The following DLGAP2 variants were observed in gnomAD, a reference collection of about 807,000 sequenced individuals.
DLGAP2 encodes the protein DLG associated protein 2, also known as disks large-associated protein 2.
In DLGAP2, 26 loss-of-function variants were observed where a neutral mutation model predicts 100.3. The ratio of observed to expected loss-of-function variants is 0.26; its 90% CI spans 0.19 to 0.36. The LOEUF (loss-of-function observed/expected upper bound fraction) is 0.36, where lower values mean the gene tolerates loss of function less well. Ranked by LOEUF, DLGAP2 falls within the 10% of genes least tolerant of loss-of-function variation. The pLI is 1.00. For missense variants in DLGAP2, 1,858 were observed against 1,453.2 expected (o/e 1.28, Z -4.53); for synonymous variants, 886 against 630.1 (o/e 1.41, Z -6.08).
intron 2 of DLGAP2, among the ~76,000 whole-genome samples, chr8:1,188,297 C>G (rs1275995333): frequency 3.7e-5 from 5 of 135,732 alleles, no homozygotes; most frequent in Admixed American, 1.4e-4. Flanking sequence ...CTCACAGAAT[C>G]TCACACGCCC....
rs1213630680 is a variant in DLGAP2, at chr8:1,707,223, G to T, written c.*5817G>T. On this transcript the variant is annotated 3_prime_UTR_variant, in exon 15 of 15. Transcript: ENST00000637795. The stretch of plus-strand genomic sequence containing the variant: ...TCCAAGCTTTCACCTACTCAATGGA[G>T]GAGAGGTGATAATGAATGAAAAGAT... 1 of 152,578 alleles carries T rather than the reference G, an allele frequency of 6.6e-6. No individual in the cohort carries two copies. Among genetic ancestry groups the T allele is most frequent in the Non-Finnish European group, 1.5e-5 (1 of 68,032 alleles). The allele number at this position is 152,578 out of a possible 1,614,324, so 9.5% of individuals were successfully genotyped here.
At chr8:782,019 T>C (rs972122987) in intron 1 of DLGAP2, among the ~76,000 whole-genome samples, 1 of 152,100 alleles carries the variant, frequency 6.6e-6, no homozygotes, top group African/African-American at 2.4e-5. Flanking sequence ...ACCAGCAGGA[T>C]GACTACCATT....
At chr8:919,539 T>G (rs1798665475) in intron 2 of DLGAP2, among the ~76,000 whole-genome samples, 1 of 152,152 alleles carries the variant, frequency 6.6e-6, no homozygotes, top group African/African-American at 2.4e-5. Flanking sequence ...ATCCACCCAG[T>G]TAACATCAGG....
Position 843,907 on chromosome 8 carries a change from A to G in DLGAP2, c.19-64005A>G, listed in dbSNP as rs1322119052. On this transcript the variant is annotated intron_variant, in intron 1 of 14. Coordinates refer to ENST00000637795, the MANE Select transcript of DLGAP2 (RefSeq NM_001346810.2). Reference sequence around the variant, plus strand: ...ACATATGTTTAAGTCATTGAAGTTTATCTGGCTTGTTTTAGACACACTTTA... The same window carrying G: ...ACATATGTTTAAGTCATTGAAGTTTGTCTGGCTTGTTTTAGACACACTTTA... Among the ~76,000 whole-genome samples the G allele has an allele frequency of 3.9e-5, 6 of 152,346 alleles. No homozygotes were observed. In the East Asian group the frequency reaches 1.2e-3, roughly 29 times the overall value.
At chr8:1,205,256 T>A (rs899640995) in intron 2 of DLGAP2, among the ~76,000 whole-genome samples, 6 of 152,328 alleles carry the variant, frequency 3.9e-5, no homozygotes, top group African/African-American at 1.2e-4. Context: ...GTGATAGTTT[T>A]ATAGCTGATG....
intron 2 of DLGAP2, among the ~76,000 whole-genome samples, chr8:1,238,622 A>G (rs1798718774): frequency 9.6e-6 from 1 of 104,628 alleles, no homozygotes; most frequent in Non-Finnish European, 2.0e-5. Context: ...GTTCTCTCAC[A>G]TGGCGCCATG....
rs1296801206 is a variant in DLGAP2, at chr8:1,704,152, C to T, written c.*2746C>T. ...GCTAGCTTATTTCAGCCACTTCTAGCAGATCATGCCATGGAGCTCACGACG... is the reference window on the plus strand; with the variant it reads ...GCTAGCTTATTTCAGCCACTTCTAGTAGATCATGCCATGGAGCTCACGACG... On this transcript the variant is annotated 3_prime_UTR_variant, in exon 15 of 15. Coordinates refer to ENST00000637795, the MANE Select transcript of DLGAP2 (RefSeq NM_001346810.2). 2 of 152,616 alleles carry T rather than the reference C, an allele frequency of 1.3e-5. No homozygotes were observed. Among genetic ancestry groups the T allele is most frequent in the African/African-American group, 4.8e-5 (2 of 41,438 alleles). 9.5% of individuals were successfully genotyped at this position (152,616 alleles called of 1,614,324 possible).
chr8:1,277,155 A>G (rs569266613), intron 3 of DLGAP2, among the ~76,000 whole-genome samples: 1 of 152,202 alleles, frequency 6.6e-6, no homozygotes, highest in Non-Finnish European at 1.5e-5. Flanking sequence ...GAATCTAGAA[A>G]TCTCAGAAAT....
chr8:1,660,786 G>A lies in DLGAP2; in HGVS notation c.1811-7543G>A, dbSNP rs79063203. Among the ~76,000 whole-genome samples, 1,194 of 152,254 alleles carry A rather than the reference G, an allele frequency of 7.8e-3. 18 individuals carry two copies. The highest frequency in any genetic ancestry group is 0.028 in the African/African-American group (1,148 of 41,528). ...GATGGCGTTTCAGATCCTGTGGTTGGTAAACCCTCAGATGATCAATCAAAA... is the reference window on the plus strand; with the variant it reads ...GATGGCGTTTCAGATCCTGTGGTTGATAAACCCTCAGATGATCAATCAAAA... On this transcript the variant is annotated intron_variant, in intron 8 of 14. Coordinates refer to ENST00000637795, the MANE Select transcript of DLGAP2 (RefSeq NM_001346810.2).
rs2972174 is a variant in DLGAP2, at chr8:1,706,652, G to A, written c.*5246G>A. 57,312 of 152,036 alleles carry A rather than the reference G, an allele frequency of 0.38. 12,225 individuals carry two copies. Among genetic ancestry groups the A allele is most frequent in the East Asian group, 0.59 (3,040 of 5,152 alleles). 9.4% of individuals were successfully genotyped at this position (152,036 alleles called of 1,614,324 possible). A position where few individuals can be genotyped will look rare whatever the true frequency, so the allele number is the denominator to read the frequency against. On this transcript the variant is annotated 3_prime_UTR_variant, in exon 15 of 15. Transcript: ENST00000637795. ...CCAGCACCAACCAGAATTAGGCCACGTTTTCACCATTACTTAAGCTCAATC... is the reference window on the plus strand; with the variant it reads ...CCAGCACCAACCAGAATTAGGCCACATTTTCACCATTACTTAAGCTCAATC...
intron 3 of DLGAP2, chr8:1,302,389 G>T (rs1352274059): frequency 1.0e-5 from 1 of 100,218 alleles, no homozygotes; most frequent in Non-Finnish European, 2.1e-5. Flanking sequence ...CCATACCTGG[G>T]ACCGGACTCA....
chr8:1,682,888 C>A (rs1480907617), intron 12 of DLGAP2, among the ~76,000 whole-genome samples: 3 of 151,584 alleles, frequency 2.0e-5, no homozygotes, highest in Non-Finnish European at 4.4e-5. Context: ...TTATATTCCC[C>A]TAAACATATG....
intron 2 of DLGAP2, among the ~76,000 whole-genome samples, chr8:1,008,748 A>C (rs1801193031): frequency 1.3e-5 from 2 of 152,158 alleles, no homozygotes; most frequent in Non-Finnish European, 2.9e-5. Context: ...CCACCCCAGC[A>C]CTGAGGGTCC....
chr8:1,173,960 G>A (rs775184231), intron 2 of DLGAP2, among the ~76,000 whole-genome samples: 11 of 152,142 alleles, frequency 7.2e-5, no homozygotes, highest in East Asian at 3.9e-4. Flanking sequence ...AGAAATCACC[G>A]TCTTCTGTGT....
chr8:1,548,494 C>T, intron 4 of DLGAP2, 132 bp from the exon 5 acceptor site: 1 of 244,446 alleles, frequency 4.1e-6, no homozygotes, highest in Middle Eastern at 7.2e-4. Context: ...ACCCACAAAT[C>T]TGCCCTCTCG....
In DLGAP2 at chr8:1,013,472, C is replaced by T. The variant is rs577608373; in HGVS notation, c.73+105506C>T. 1.4e-4 allele frequency among the ~76,000 whole-genome samples: 21 copies of T among 152,200 alleles called. No homozygotes were observed. The South Asian group carries it at 4.4e-3, about 32-fold the overall frequency. On this transcript the variant is annotated intron_variant, in intron 2 of 14. Transcript: ENST00000637795. ...GAATCGGAATAGGAGGCAGATGAGC[C>T]AGCCTTTCCCAGGACGGGCAGCATC...
intron 3 of DLGAP2, among the ~76,000 whole-genome samples, chr8:1,437,863 G>T (rs1404199010): frequency 1.3e-5 from 2 of 149,528 alleles, no homozygotes; most frequent in Admixed American, 6.7e-5. Flanking sequence ...TCATGTGCCT[G>T]TAATCCCAGC....
intron 2 of DLGAP2, among the ~76,000 whole-genome samples, chr8:1,133,135 A>G (rs1463692596): frequency 6.6e-6 from 1 of 152,196 alleles, no homozygotes; most frequent in Non-Finnish European, 1.5e-5. Flanking sequence ...TCTCTGGAGC[A>G]TTAGCTTCCT....
intron 1 of DLGAP2, among the ~76,000 whole-genome samples, chr8:843,028 C>A (rs1463875284): frequency 6.6e-6 from 1 of 152,150 alleles, no homozygotes; most frequent in Non-Finnish European, 1.5e-5. Context: ...ATGGATGTAC[C>A]TCTGGCGGGC....
Sources: allele counts gnomAD v4.1 joint callset (sites outside exome capture counted in the v4.1 genomes callset), GRCh38; gene constraint gnomAD v4.1.1; transcripts MANE v1.5; gene names NCBI Gene and HGNC (gene_info 2026-07-23, HGNC 2026-07-21).